NFX1: variants seen among roughly 807,000 people sequenced by gnomAD.
The protein encoded by NFX1 is nuclear transcription factor, X-box binding 1, also known as transcriptional repressor NF-X1.
NFX1 carries 69 observed loss-of-function variants against 137.2 expected under a neutral mutation model. That is an observed-to-expected ratio of 0.50 (90% confidence interval 0.41 to 0.61). The LOEUF is 0.61. Ranked by LOEUF, NFX1 falls within the 20% of genes least tolerant of loss-of-function variation. The pLI is 0.00. For missense variants in NFX1, 1,167 were observed against 1,391.0 expected (o/e 0.84, Z 2.56); for synonymous variants, 495 against 474.1 (o/e 1.04, Z -0.57).
At chr9:33,364,148 C>A in intron 20 of NFX1, 40 bp downstream of exon 20, 1 of 1,459,244 alleles carries the variant, frequency 6.9e-7, no homozygotes, top group South Asian at 1.2e-5. Flanking sequence ...TGTGGCTTGT[C>A]AGGGTGTTTG....
intron 23 of NFX1, among the ~76,000 whole-genome samples, chr9:33,368,526 G>T (rs1824235734): frequency 6.6e-6 from 1 of 152,172 alleles, no homozygotes; most frequent in Non-Finnish European, 1.5e-5. Flanking sequence ...CAACTTTAGA[G>T]CACTTGGTCA....
chr9:33,295,579 A>G, intron 2 of NFX1, 152 bp downstream of exon 2: 1 of 876,210 alleles, frequency 1.1e-6, no homozygotes, highest in East Asian at 2.7e-5. Flanking sequence ...AAGTTCTACC[A>G]CCACTCGCTG....
chr9:33,334,913 G>A (rs1822942155), intron 11 of NFX1, among the ~76,000 whole-genome samples: 1 of 152,156 alleles, frequency 6.6e-6, no homozygotes, highest in African/African-American at 2.4e-5. Context: ...TGAAAGTGGA[G>A]AAACTGGTAT....
chr9:33,351,208 G>A (rs1259029974), intron 15 of NFX1, among the ~76,000 whole-genome samples: 2 of 150,458 alleles, frequency 1.3e-5, no homozygotes, highest in African/African-American at 2.4e-5. Flanking sequence ...CTGTAATTTC[G>A]GCACTTTGGG....
chr9:33,342,633 A>T, intron 12 of NFX1, 113 bp from the exon 13 acceptor site: 1 of 751,060 alleles, frequency 1.3e-6, no homozygotes, highest in Non-Finnish European at 2.1e-6. Context: ...GTATTTCCAG[A>T]TATCATTTTA....
At chr9:33,350,113 G>A (rs1289068982) in intron 15 of NFX1, among the ~76,000 whole-genome samples, 1 of 152,016 alleles carries the variant, frequency 6.6e-6, no homozygotes, top group East Asian at 1.9e-4. Flanking sequence ...AGACCAGCCT[G>A]GCCAACATAG....
chr9:33,367,532 C>T lies in NFX1; in HGVS notation c.3203C>T (p.Pro1068Leu), dbSNP rs760416527. ...TTTATCAGGGGGAAGTCCGTTTGTC[C>T]TCCTACCACGCTGACAGGTGTGCTT... ...VTAIRGKSVCPPTTLTGVLER... is the reference protein window; with the variant it reads ...VTAIRGKSVCLPTTLTGVLER... The change falls in exon 23 of 24, where the codon CCT becomes CTT. Residue 1068 changes from proline (P) to leucine (L), a missense_variant. Physicochemically the swap from Pro to Leu is moderately conservative, Grantham distance 98. This residue lies in a region of NFX1 where 312 missense variants were observed against 312.8 expected (regional missense o/e 1.00). Coordinates refer to ENST00000379540, the MANE Select transcript of NFX1 (RefSeq NM_002504.6). 1 of 1,613,884 alleles carries T rather than the reference C, an allele frequency of 6.2e-7. No homozygotes were observed. The highest frequency in any genetic ancestry group is 1.1e-5 in the South Asian group (1 of 91,082).
chr9:33,300,979 T>C (rs367853433), intron 2 of NFX1, among the ~76,000 whole-genome samples: 1 of 152,228 alleles, frequency 6.6e-6, no homozygotes, highest in Non-Finnish European at 1.5e-5. Flanking sequence ...CAGGCTATGT[T>C]ACAAGGGGCA....
chr9:33,313,349 G>T (rs922352698), intron 6 of NFX1, among the ~76,000 whole-genome samples: 1 of 151,998 alleles, frequency 6.6e-6, no homozygotes, highest in African/African-American at 2.4e-5. Flanking sequence ...AACACTTTGG[G>T]AGCCTGAGGC....
chr9:33,310,201 G>C (rs1178622661), intron 5 of NFX1, among the ~76,000 whole-genome samples: 1 of 152,140 alleles, frequency 6.6e-6, no homozygotes, highest in East Asian at 1.9e-4. Context: ...CACTTTATAA[G>C]CACACTAATG....
intron 19 of NFX1, among the ~76,000 whole-genome samples, chr9:33,357,297 G>A (rs1823844481): frequency 6.6e-6 from 1 of 151,692 alleles, no homozygotes; most frequent in Non-Finnish European, 1.5e-5. Context: ...GGGAGACTCC[G>A]CATCAAAAAA....
At chr9:33,348,832 G>A in intron 15 of NFX1, 3 of 963,966 alleles carry the variant, frequency 3.1e-6, no homozygotes, top group Non-Finnish European at 3.7e-6. Context: ...ATTTTTCCTT[G>A]CTGTGGTTAA....
At chr9:33,327,789 C>A (rs1408155968) in intron 9 of NFX1, among the ~76,000 whole-genome samples, 1 of 152,214 alleles carries the variant, frequency 6.6e-6, no homozygotes. Flanking sequence ...GGAAACAGGA[C>A]TTGTCCTAAA....
chr9:33,344,049 T>C lies in NFX1; in HGVS notation c.2225-20T>C, dbSNP rs1418006508. On this transcript the variant is annotated intron_variant, in intron 13 of 23. Transcript: ENST00000379540. ...CCAAACTCAGAAAGGATTCTTTTGT[T>C]TTACCTGCTGCTCCACCAGGTTTTG... is the stretch of plus-strand genomic sequence containing the variant. The C allele has an allele frequency of 6.2e-7, 1 of 1,613,684 alleles. No homozygotes were observed. The highest frequency in any genetic ancestry group is 1.1e-5 in the South Asian group (1 of 91,070).
intron 11 of NFX1, 126 bp from the exon 12 acceptor site, chr9:33,338,384 A>G (rs1823091698): frequency 2.3e-6 from 2 of 871,508 alleles, no homozygotes; most frequent in Non-Finnish European, 1.8e-6. Flanking sequence ...AAAAAACTGC[A>G]TTTACATTAT....
intron 11 of NFX1, among the ~76,000 whole-genome samples, chr9:33,335,292 G>A (rs1179822654): frequency 8.3e-5 from 12 of 144,868 alleles, no homozygotes; most frequent in East Asian, 2.0e-4. Flanking sequence ...GTGCAGTGGC[G>A]CAATCTCAGC....
chr9:33,330,163 C>A (rs1822751516), intron 10 of NFX1, among the ~76,000 whole-genome samples: 1 of 152,146 alleles, frequency 6.6e-6, no homozygotes, highest in African/African-American at 2.4e-5. Context: ...GGGGAACACA[C>A]TGAGTGTTGA....
chr9:33,368,004 C>T (rs767290817), intron 23 of NFX1, among the ~76,000 whole-genome samples: 4 of 152,274 alleles, frequency 2.6e-5, no homozygotes, highest in African/African-American at 9.6e-5. Context: ...GAGGCCAAGG[C>T]GGGTGGATCA....
rs1254335398 is a variant in NFX1 at position 33,338,650 on chromosome 9, C to T, written c.2115+61C>T. The T allele has an allele frequency of 1.3e-5, 19 of 1,426,832 alleles. No individual in the cohort carries two copies. In the East Asian group the frequency reaches 4.4e-4, roughly 33 times the overall value. 88.4% of individuals were successfully genotyped at this position (1,426,832 alleles called of 1,614,324 possible). Reference sequence around the variant, plus strand: ...CATCCAGGTGCTGGGCTTCTGGAAGCCTGAGCCATGTGGAGAATGCAGCCC... The same window carrying T: ...CATCCAGGTGCTGGGCTTCTGGAAGTCTGAGCCATGTGGAGAATGCAGCCC... On this transcript the variant is annotated intron_variant, in intron 12 of 23. Coordinates refer to ENST00000379540, the MANE Select transcript of NFX1 (RefSeq NM_002504.6).
Sources: gnomAD v4.1 joint callset for allele counts (sites outside exome capture counted in the v4.1 genomes callset) on GRCh38, gnomAD v4.1.1 for gene constraint, gnomAD v4.1.1 regional missense constraint, MANE v1.5 for transcripts, NCBI Gene and HGNC (gene_info 2026-07-23, HGNC 2026-07-21) for gene names.